Variants in PLA2G7 observed in about 807,000 individuals in gnomAD.
PLA2G7 encodes platelet-activating factor acetylhydrolase.
PLA2G7 carries 63 observed loss-of-function variants against 49.6 expected under a neutral mutation model. The ratio of observed to expected loss-of-function variants is 1.27; its 90% CI spans 1.04 to 1.57. The LOEUF is 1.57. PLA2G7 is among the 40% of genes most tolerant of loss of function. The pLI, the probability that PLA2G7 is intolerant of heterozygous loss-of-function variation, is 0.00. For synonymous variants in PLA2G7, 193 were observed against 169.9 expected, an observed-to-expected ratio of 1.14 and a Z score of -1.06; for missense variants, 596 against 521.2, an observed-to-expected ratio of 1.14 and a Z score of -1.40.
intron 11 of PLA2G7, 126 bp from the exon 12 acceptor site, chr6:46,704,822 C>T: frequency 1.5e-6 from 1 of 683,786 alleles, no homozygotes; most frequent in East Asian, 2.7e-5. Flanking sequence ...AGACGATGTG[C>T]TCTGTATCAG....
upstream of PLA2G7, chr6:46,735,435 G>T (rs905352502): frequency 2.0e-5 from 3 of 152,356 alleles, no homozygotes; most frequent in Admixed American, 1.3e-4. Context: ...TGGTGATGCT[G>T]GAGGAGGTAC....
intron 3 of PLA2G7, 103 bp from the exon 4 acceptor site, chr6:46,716,631 G>A (rs1324722969): frequency 1.7e-6 from 2 of 1,209,250 alleles, no homozygotes; most frequent in East Asian, 4.8e-5. Context: ...ATACCTCTGT[G>A]TTCACAAAAA....
In PLA2G7 at chr6:46,704,664, A is replaced by G. The variant is rs572345119; in HGVS notation, c.1222T>C (p.Leu408=). The change falls in exon 12 of 12, where the codon TTG becomes CTG. Residue 408 remains leucine (L), a synonymous_variant. Transcript: ENST00000274793. The part of the protein sequence containing the change: ...LHKDFDQWDC[L]IEGDDENLIP... Reference sequence around the variant, plus strand: ...AGATTCTCATCATCTCCTTCAATCAAGCAGTCCCACTGATCAAAATCTTTA... The same window carrying G: ...AGATTCTCATCATCTCCTTCAATCAGGCAGTCCCACTGATCAAAATCTTTA... 7.6e-6 allele frequency: 12 copies of G among 1,581,428 alleles called. No homozygotes were observed. Among genetic ancestry groups the G allele is most frequent in the Non-Finnish European group, 1.0e-5 (12 of 1,150,048 alleles).
intron 8 of PLA2G7, among the ~76,000 whole-genome samples, chr6:46,710,263 T>A (rs1764966379): frequency 6.6e-6 from 1 of 152,200 alleles, no homozygotes; most frequent in Admixed American, 6.5e-5. Context: ...GTCCATGAAA[T>A]AATAATACTT....
intron 2 of PLA2G7, among the ~76,000 whole-genome samples, chr6:46,720,054 A>T (rs3799863): frequency 0.058 from 8,791 of 152,198 alleles, 311 homozygotes; most frequent in East Asian, 0.11. Flanking sequence ...AAGGAGGAGG[A>T]CCTTAAGGTA....
At chr6:46,725,322 C>T (rs1231949205) in intron 1 of PLA2G7, among the ~76,000 whole-genome samples, 1 of 148,202 alleles carries the variant, frequency 6.7e-6, no homozygotes, top group East Asian at 2.0e-4. Context: ...ACCTCTGCCT[C>T]CTGGGTTCAG....
chr6:46,722,357 CT>C (rs1765426695), intron 2 of PLA2G7, among the ~76,000 whole-genome samples: 1 of 152,124 alleles, frequency 6.6e-6, no homozygotes. Flanking sequence ...AGGAGTATGC[CT>C]GTTGAACAAG....
Position 46,704,458 on chromosome 6 carries a change from T to A in PLA2G7, c.*102A>T. On this transcript the variant is annotated 3_prime_UTR_variant, in exon 12 of 12. Coordinates refer to ENST00000274793, the MANE Select transcript of PLA2G7 (RefSeq NM_005084.4). ...CATTAAAATTCTCTCTCTCTCTCTC[T>A]CTCTCTCTCTCTCTCTCTCTCACAC... The A allele has an allele frequency of 1.7e-6, 1 of 591,808 alleles. No individual in the cohort carries two copies. The highest frequency in any genetic ancestry group is 2.9e-6 in the Non-Finnish European group (1 of 340,530). 36.7% of individuals were successfully genotyped at this position (591,808 alleles called of 1,614,324 possible).
At chr6:46,711,259 A>G (rs1765010804) in intron 7 of PLA2G7, among the ~76,000 whole-genome samples, 2 of 152,150 alleles carry the variant, frequency 1.3e-5, no homozygotes, top group Admixed American at 6.6e-5. Context: ...ATTCAAGGGA[A>G]TTCTGAATAT....
At chr6:46,714,394 T>C in intron 5 of PLA2G7, 66 bp downstream of exon 5, 1 of 970,824 alleles carries the variant, frequency 1.0e-6, no homozygotes, top group South Asian at 1.3e-5. Flanking sequence ...CTGCTATTTC[T>C]TTCTTGAATA....
intron 1 of PLA2G7, among the ~76,000 whole-genome samples, chr6:46,734,777 C>G (rs1303979522): frequency 2.0e-5 from 3 of 151,276 alleles, no homozygotes; most frequent in African/African-American, 2.4e-5. Flanking sequence ...GAGTCGAGAT[C>G]GCGCCTCTGC....
At chr6:46,726,528 T>C (rs1458056360) in intron 1 of PLA2G7, among the ~76,000 whole-genome samples, 7 of 152,178 alleles carry the variant, frequency 4.6e-5, no homozygotes, top group Admixed American at 3.9e-4. Flanking sequence ...CTTTAGACAT[T>C]CTCTTAGAAC....
chr6:46,716,393 AC>A lies in PLA2G7; in HGVS notation c.366del (p.Arg122SerfsTer7). 1 of 1,614,154 alleles carries A rather than the reference AC, an allele frequency of 6.2e-7. No homozygotes were observed. The highest frequency in any genetic ancestry group is 8.5e-7 in the Non-Finnish European group (1 of 1,179,984). ...GTHWLMGNIL[R>X]LLFGSMTTPA... ...TCAACAGAAATCTTACCAAAGAGTAACCTCAAAATGTTGCCCATAAGCCAGT... is the reference window on the plus strand; with the variant it reads ...TCAACAGAAATCTTACCAAAGAGTAACTCAAAATGTTGCCCATAAGCCAGT... On this transcript the variant is annotated frameshift_variant, in exon 4 of 12. Transcript: ENST00000274793. LOFTEE classifies it high-confidence loss of function.
intron 6 of PLA2G7, among the ~76,000 whole-genome samples, chr6:46,711,923 T>G (rs1306412857): frequency 1.3e-5 from 2 of 152,200 alleles, no homozygotes; most frequent in Non-Finnish European, 2.9e-5. Flanking sequence ...TTACTAGTTG[T>G]GTGACTTTGG....
At chr6:46,734,464 G>C (rs965524729) in intron 1 of PLA2G7, among the ~76,000 whole-genome samples, 2 of 137,004 alleles carry the variant, frequency 1.5e-5, no homozygotes, top group African/African-American at 2.9e-5. Context: ...GAGAGAGAGA[G>C]AGAGAGAGAG....
intron 5 of PLA2G7, 88 bp downstream of exon 5, chr6:46,714,372 A>C: frequency 1.2e-6 from 1 of 844,734 alleles, no homozygotes; most frequent in Non-Finnish European, 2.1e-6. Context: ...GGCCTGCATG[A>C]CATTCCAAAC....
chr6:46,728,919 G>A (rs1462498465), intron 1 of PLA2G7, among the ~76,000 whole-genome samples: 4 of 152,202 alleles, frequency 2.6e-5, no homozygotes, highest in Non-Finnish European at 5.9e-5. Flanking sequence ...TCTTGAATCT[G>A]CTACTTACTA....
At position 46,720,714 on chromosome 6, in the gene PLA2G7, C is replaced by A. The variant is rs1245627045; in HGVS notation, c.109+2069G>T. On this transcript the variant is annotated intron_variant, in intron 2 of 11. Transcript: ENST00000274793. ...ATAAATGTCTCTTCTTAGTTTTCTT[C>A]AACTTTATTTTAATAGGAGGATTGG... Among the ~76,000 whole-genome samples, 21 of 152,172 alleles carry A rather than the reference C, an allele frequency of 1.4e-4. 1 individual carries two copies. The highest frequency in any genetic ancestry group is 2.9e-5 in the Non-Finnish European group (2 of 68,026).
At chr6:46,707,714 C>T (rs150139881) in intron 10 of PLA2G7, among the ~76,000 whole-genome samples, 64 of 152,288 alleles carry the variant, frequency 4.2e-4, no homozygotes, top group South Asian at 2.5e-3. Context: ...GCCAATGAAA[C>T]CTCTTTTCTT....
Sources: gnomAD v4.1 joint callset for allele counts (sites outside exome capture counted in the v4.1 genomes callset) on GRCh38, gnomAD v4.1.1 for gene constraint, MANE v1.5 for transcripts, NCBI Gene and HGNC (gene_info 2026-07-23, HGNC 2026-07-21) for gene names.